The following GKAP1 variants were observed in gnomAD, a reference collection of about 807,000 sequenced individuals.
The protein encoded by GKAP1 is G kinase anchoring protein 1, also known as G kinase-anchoring protein 1.
GKAP1 carries 31 observed loss-of-function variants against 56.7 expected under a neutral mutation model. The observed-to-expected ratio is 0.55, with a 90% CI of 0.41 to 0.74. The LOEUF (loss-of-function observed/expected upper bound fraction) is 0.74. Among genes scored for constraint, GKAP1 ranks in the 30% least tolerant of loss-of-function variants. The pLI is 0.00. For missense variants in GKAP1, 364 were observed against 402.3 expected (o/e 0.90, Z 0.82); for synonymous variants, 151 against 138.6 (o/e 1.09, Z -0.63).
At chr9:83,765,672 A>G (rs1486088097) in intron 8 of GKAP1, among the ~76,000 whole-genome samples, 1 of 152,118 alleles carries the variant, frequency 6.6e-6, no homozygotes, top group Non-Finnish European at 1.5e-5. Context: ...GTCAAAGGAG[A>G]TCATTTCGGA....
intron 2 of GKAP1, among the ~76,000 whole-genome samples, chr9:83,815,066 G>T (rs192006812): frequency 6.6e-6 from 1 of 152,120 alleles, no homozygotes; most frequent in South Asian, 2.1e-4. Context: ...CAGCTACTCG[G>T]GAGGCTGAGG....
In GKAP1 at chr9:83,795,699, C is replaced by T. The variant is rs551903085; in HGVS notation, c.360+3486G>A. Among the ~76,000 whole-genome samples the T allele has an allele frequency of 2.3e-4, 35 of 149,250 alleles. No individual in the cohort carries two copies. In the Middle Eastern group the frequency reaches 0.014, roughly 59 times the overall value. ...CTGAGTAGCTGGGACTACAGGCATG[C>T]GCTACCACATCCAGTGAATTTTTGC... On this transcript the variant is annotated intron_variant, in intron 4 of 12. Transcript: ENST00000376371.
chr9:83,754,502 C>T (rs1244195138), intron 8 of GKAP1, among the ~76,000 whole-genome samples: 1 of 152,186 alleles, frequency 6.6e-6, no homozygotes, highest in Admixed American at 6.5e-5. Context: ...TAGTAAAGCT[C>T]TCTAAAGTGG....
At chr9:83,752,357 G>A (rs1271105375) in intron 9 of GKAP1, among the ~76,000 whole-genome samples, 4 of 152,056 alleles carry the variant, frequency 2.6e-5, no homozygotes, top group African/African-American at 9.7e-5. Flanking sequence ...TGGAGGTTGT[G>A]GTGAGCCAAG....
chr9:83,783,694 C>T (rs1944016089), intron 6 of GKAP1, among the ~76,000 whole-genome samples: 1 of 152,100 alleles, frequency 6.6e-6, no homozygotes, highest in Non-Finnish European at 1.5e-5. Flanking sequence ...AAGAGGCTGA[C>T]CAACAATGGC....
chr9:83,762,993 T>C (rs1341417351), intron 8 of GKAP1, among the ~76,000 whole-genome samples: 1 of 152,190 alleles, frequency 6.6e-6, no homozygotes, highest in African/African-American at 2.4e-5. Context: ...CACTCCCATG[T>C]TTATCACAGC....
chr9:83,764,006 C>T (rs1295179186), intron 8 of GKAP1, among the ~76,000 whole-genome samples: 2 of 152,016 alleles, frequency 1.3e-5, no homozygotes, highest in Non-Finnish European at 2.9e-5. Flanking sequence ...TAAGTATGTC[C>T]TGAAATATAC....
At chr9:83,808,673 C>T (rs752316168) in intron 2 of GKAP1, among the ~76,000 whole-genome samples, 1 of 152,206 alleles carries the variant, frequency 6.6e-6, no homozygotes, top group Non-Finnish European at 1.5e-5. Flanking sequence ...AGTTGTTCAA[C>T]TATCATTAAT....
intron 7 of GKAP1, among the ~76,000 whole-genome samples, chr9:83,772,433 TAAAG>T (rs2131272936): frequency 6.6e-6 from 1 of 152,256 alleles, no homozygotes; most frequent in African/African-American, 2.4e-5. Flanking sequence ...CACAGACTCT[TAAAG>T]GAAGAACTAA....
chr9:83,803,424 C>T (rs1434960052), intron 3 of GKAP1, among the ~76,000 whole-genome samples: 7 of 152,234 alleles, frequency 4.6e-5, no homozygotes, highest in Admixed American at 3.9e-4. Flanking sequence ...GACTGGTTTT[C>T]GTACTTTTTT....
At chr9:83,784,025 G>C (rs569575730) in intron 6 of GKAP1, among the ~76,000 whole-genome samples, 6 of 149,926 alleles carry the variant, frequency 4.0e-5, no homozygotes, top group Admixed American at 3.9e-4. Flanking sequence ...AGCAGTTTGG[G>C]AGGCCAAGGC....
chr9:83,803,771 C>T (rs1194041743), intron 3 of GKAP1, among the ~76,000 whole-genome samples: 5 of 148,688 alleles, frequency 3.4e-5, no homozygotes, highest in African/African-American at 1.0e-4. Context: ...AAGTGAGGAG[C>T]GTCTCTGCCC....
intron 9 of GKAP1, 172 bp from the exon 10 acceptor site, chr9:83,748,544 TCCC>T (rs1943332826): frequency 4.6e-6 from 2 of 435,736 alleles, no homozygotes; most frequent in South Asian, 7.5e-5. Flanking sequence ...TTAAATTAAG[TCCC>T]TGGCACAATA....
chr9:83,789,584 A>G (rs1049509048), intron 4 of GKAP1, among the ~76,000 whole-genome samples: 19 of 152,162 alleles, frequency 1.2e-4, no homozygotes, highest in African/African-American at 4.3e-4. Flanking sequence ...ATTCCTTTAA[A>G]TAAGTGCACT....
chr9:83,790,645 A>C (rs868477818), intron 4 of GKAP1, among the ~76,000 whole-genome samples: 21 of 132,878 alleles, frequency 1.6e-4, no homozygotes, highest in Middle Eastern at 3.9e-3. Flanking sequence ...ACAAAACAAA[A>C]AAACAAACAA....
At chr9:83,749,592 T>C in intron 9 of GKAP1, among the ~76,000 whole-genome samples, 1 of 152,158 alleles carries the variant, frequency 6.6e-6, no homozygotes. Flanking sequence ...TAACACAGTA[T>C]AGAAAAACAA....
intron 10 of GKAP1, among the ~76,000 whole-genome samples, chr9:83,744,002 A>G (rs1943249493): frequency 6.6e-6 from 1 of 152,186 alleles, no homozygotes; most frequent in South Asian, 2.1e-4. Context: ...ATGACTACTG[A>G]TATCACCACA....
chr9:83,743,552 G>A (rs896757427), intron 10 of GKAP1, among the ~76,000 whole-genome samples: 3 of 152,130 alleles, frequency 2.0e-5, no homozygotes, highest in Non-Finnish European at 4.4e-5. Context: ...CCAAGCTCAC[G>A]CCACTGGACT....
chr9:83,786,219 T>A (rs1944060579), intron 5 of GKAP1, among the ~76,000 whole-genome samples: 1 of 152,204 alleles, frequency 6.6e-6, no homozygotes, highest in Admixed American at 6.5e-5. Context: ...TCAATAATTA[T>A]TTGGTGAATA....
Sources: gnomAD v4.1 joint callset for allele counts (sites outside exome capture counted in the v4.1 genomes callset) on GRCh38, gnomAD v4.1.1 for gene constraint, MANE v1.5 for transcripts, NCBI Gene and HGNC (gene_info 2026-07-23, HGNC 2026-07-21) for gene names.